The following TMPRSS11D variants were observed in gnomAD, a reference collection of about 807,000 sequenced individuals.
The protein encoded by TMPRSS11D is transmembrane serine protease 11D, also known as transmembrane protease serine 11D.
In TMPRSS11D, 32 loss-of-function variants were observed where a neutral mutation model predicts 44.4. The observed-to-expected ratio is 0.72, with a 90% CI of 0.54 to 0.97. TMPRSS11D has a LOEUF of 0.97. Among genes scored for constraint, TMPRSS11D ranks in the 50% least tolerant of loss-of-function variants. The pLI is 0.00. For synonymous variants in TMPRSS11D, 179 were observed against 177.9 expected (o/e 1.01, Z -0.05); for missense variants, 446 against 502.6 (o/e 0.89, Z 1.08).
chr4:67,844,601 C>T (rs562520945), intron 3 of TMPRSS11D, among the ~76,000 whole-genome samples: 76 of 151,916 alleles, frequency 5.0e-4, no homozygotes, highest in Middle Eastern at 6.8e-3. Flanking sequence ...TGGTGAAACC[C>T]TGTCTCTCCT....
rs537397448 is a variant in TMPRSS11D at position 67,874,355 on chromosome 4, C to G, written c.8+9571G>C. On this transcript the variant is annotated intron_variant, in intron 1 of 9. Coordinates refer to ENST00000283916, the MANE Select transcript of TMPRSS11D (RefSeq NM_004262.3). Reference sequence around the variant, plus strand: ...TGAGGGATTTAGAAGTTCCTATACACAGCTCAGTGTGATCTGATTTGTAAT... The same window carrying G: ...TGAGGGATTTAGAAGTTCCTATACAGAGCTCAGTGTGATCTGATTTGTAAT... Among the ~76,000 whole-genome samples, 129 of 152,274 alleles carry G rather than the reference C, an allele frequency of 8.5e-4. No individual in the cohort carries two copies. In the South Asian group the frequency reaches 0.026, roughly 31 times the overall value.
At chr4:67,869,463 A>G (rs1260568321) in intron 1 of TMPRSS11D, among the ~76,000 whole-genome samples, 1 of 152,160 alleles carries the variant, frequency 6.6e-6, no homozygotes, top group East Asian at 1.9e-4. Context: ...TATAATATAT[A>G]TGCAATATTA....
rs1161716664 is a variant in TMPRSS11D at position 67,883,891 on chromosome 4, A to G, written c.8+35T>C. The G allele has an allele frequency of 3.8e-6, 6 of 1,571,072 alleles. No individual in the cohort carries two copies. In the East Asian group the frequency reaches 1.4e-4, roughly 36 times the overall value. On this transcript the variant is annotated intron_variant, in intron 1 of 9. Coordinates refer to ENST00000283916, the MANE Select transcript of TMPRSS11D (RefSeq NM_004262.3). ...TTCCCATACTGTAAGATATAGTAAA[A>G]CTTTTAAAGCTACAAAGACAAAAAC...
intron 1 of TMPRSS11D, among the ~76,000 whole-genome samples, chr4:67,880,508 A>G (rs1719296575): frequency 6.6e-6 from 1 of 152,186 alleles, no homozygotes; most frequent in Non-Finnish European, 1.5e-5. Flanking sequence ...AGGAAACATT[A>G]CATCTTAATT....
In TMPRSS11D at chr4:67,849,515, A is replaced by G. The variant is rs987742929; in HGVS notation, c.249+4553T>C. ...GCAGTGTAGAGGAGGGGGAGCCTGT[A>G]AAGAACACAGAGAAGTAATGACCAG... On this transcript the variant is annotated intron_variant, in intron 3 of 9. Coordinates refer to ENST00000283916, the MANE Select transcript of TMPRSS11D (RefSeq NM_004262.3). Among the ~76,000 whole-genome samples the G allele has an allele frequency of 5.4e-5, 7 of 128,782 alleles. No individual in the cohort carries two copies. In the South Asian group the frequency reaches 1.8e-3, roughly 33 times the overall value. The allele number at this position is 128,782 out of a possible 152,430, so 84.5% of individuals were successfully genotyped here.
chr4:67,843,755 C>G (rs1375103408), intron 3 of TMPRSS11D, among the ~76,000 whole-genome samples: 1 of 152,080 alleles, frequency 6.6e-6, no homozygotes, highest in Non-Finnish European at 1.5e-5. Flanking sequence ...AACTCCGTCT[C>G]TACTAAAAAT....
At chr4:67,881,692 C>T (rs140915728) in intron 1 of TMPRSS11D, among the ~76,000 whole-genome samples, 7 of 152,278 alleles carry the variant, frequency 4.6e-5, no homozygotes, top group South Asian at 2.1e-4. Flanking sequence ...CTCGTCCCCC[C>T]GCCAACTTTT....
chr4:67,879,029 T>C (rs538357797), intron 1 of TMPRSS11D, among the ~76,000 whole-genome samples: 71 of 152,296 alleles, frequency 4.7e-4, no homozygotes, highest in South Asian at 8.3e-4. Context: ...CCATATGATA[T>C]TAAAAGTTGC....
chr4:67,874,949 AC>A (rs912186450), intron 1 of TMPRSS11D, among the ~76,000 whole-genome samples: 15 of 152,164 alleles, frequency 9.9e-5, no homozygotes, highest in African/African-American at 3.6e-4. Context: ...CATGGACCAA[AC>A]CCAATATTAG....
chr4:67,862,997 C>A (rs1034860495), intron 1 of TMPRSS11D, among the ~76,000 whole-genome samples: 4 of 151,286 alleles, frequency 2.6e-5, no homozygotes, highest in Non-Finnish European at 4.4e-5. Context: ...ATGGCACATG[C>A]ATACATATGT....
chr4:67,844,903 T>A (rs1718322916), intron 3 of TMPRSS11D, among the ~76,000 whole-genome samples: 1 of 152,206 alleles, frequency 6.6e-6, no homozygotes, highest in Non-Finnish European at 1.5e-5. Context: ...CTTTAATATG[T>A]TTATTAATAT....
chr4:67,869,661 T>C (rs978977344), intron 1 of TMPRSS11D, among the ~76,000 whole-genome samples: 1 of 152,320 alleles, frequency 6.6e-6, no homozygotes, highest in Admixed American at 6.5e-5. Flanking sequence ...CTGTACTTCA[T>C]TTACTAGCAT....
At chr4:67,836,296 C>CT (rs1718086455) in intron 5 of TMPRSS11D, among the ~76,000 whole-genome samples, 2 of 152,064 alleles carry the variant, frequency 1.3e-5, no homozygotes, top group South Asian at 4.1e-4. Context: ...CCAGACTGAT[C>CT]TTTTTAAAAA....
intron 3 of TMPRSS11D, among the ~76,000 whole-genome samples, chr4:67,843,783 C>A (rs140314791): frequency 6.6e-6 from 1 of 152,000 alleles, no homozygotes; most frequent in Non-Finnish European, 1.5e-5. Flanking sequence ...ATTAGCTAGG[C>A]GTGGTGGCAA....
At chr4:67,835,215 C>T in intron 5 of TMPRSS11D, 94 bp from the exon 6 acceptor site, 1 of 1,194,878 alleles carries the variant, frequency 8.4e-7, no homozygotes, top group African/African-American at 1.5e-5. Context: ...CAACAAGAAG[C>T]AGAATTACTT....
chr4:67,864,568 C>A (rs1718872511), intron 1 of TMPRSS11D, among the ~76,000 whole-genome samples: 1 of 147,394 alleles, frequency 6.8e-6, no homozygotes, highest in Admixed American at 6.6e-5. Flanking sequence ...ACAGAAATGA[C>A]AGAAAAGAAA....
At chr4:67,842,507 G>A (rs1220599525) in intron 4 of TMPRSS11D, 51 bp downstream of exon 4, 4 of 1,459,004 alleles carry the variant, frequency 2.7e-6, no homozygotes, top group Non-Finnish European at 2.9e-6. Flanking sequence ...AAAAAGTCAA[G>A]TATGCCACAT....
intron 1 of TMPRSS11D, among the ~76,000 whole-genome samples, chr4:67,877,317 G>A (rs76728422): frequency 0.012 from 1,750 of 152,106 alleles, 32 homozygotes; most frequent in African/African-American, 0.036. Flanking sequence ...TTTTGTGTGC[G>A]TAAGAATTAC....
chr4:67,869,088 T>C (rs1386998592), intron 1 of TMPRSS11D, among the ~76,000 whole-genome samples: 2 of 152,232 alleles, frequency 1.3e-5, no homozygotes, highest in African/African-American at 4.8e-5. Flanking sequence ...TTTGAGATGT[T>C]CTAATAATAA....
Sources: allele counts gnomAD v4.1 joint callset (sites outside exome capture counted in the v4.1 genomes callset), GRCh38; gene constraint gnomAD v4.1.1; transcripts MANE v1.5; gene names NCBI Gene and HGNC (gene_info 2026-07-23, HGNC 2026-07-21).